The following DST variants were observed in gnomAD, a reference collection of about 807,000 sequenced individuals.
The protein encoded by DST is dystonin, also known as bullous pemphigoid antigen.
In DST, 253 loss-of-function variants were observed where a neutral mutation model predicts 875.2. The observed-to-expected ratio is 0.29, with a 90% CI of 0.26 to 0.32. DST has a LOEUF of 0.32. DST is among the 10% of genes least tolerant of loss of function. The probability of loss-of-function intolerance (pLI) is 1.00; values close to 1 mark genes in which losing one functional copy is unlikely to be tolerated. For missense variants in DST, 8,287 were observed against 9,111.6 expected, an observed-to-expected ratio of 0.91 and a Z score of 3.68; for synonymous variants, 3,124 against 3,197.1, an observed-to-expected ratio of 0.98 and a Z score of 0.77.
At chr6:56,759,226 G>A (rs1006472444) in intron 4 of DST, among the ~76,000 whole-genome samples, 3 of 152,138 alleles carry the variant, frequency 2.0e-5, no homozygotes, top group Non-Finnish European at 2.9e-5. Flanking sequence ...CGAAGTGGGC[G>A]GATCACTTGA....
chr6:56,832,507 T>G (rs578166722), intron 4 of DST, among the ~76,000 whole-genome samples: 5 of 152,212 alleles, frequency 3.3e-5, no homozygotes, highest in South Asian at 4.1e-4. Flanking sequence ...CATGTGGAAC[T>G]GTAGGAACTG....
chr6:56,616,499 A>C lies in DST; in HGVS notation c.4930-2015T>G, dbSNP rs751005673. ...GAGATTGGAAATGTTCCTCTCCCCA[A>C]ATGGAAACAGAAAGCATTGGGACTC... is the stretch of plus-strand genomic sequence containing the variant. On this transcript the variant is annotated intron_variant, in intron 36 of 103. Coordinates refer to ENST00000680361, the MANE Select transcript of DST (RefSeq NM_001374736.1). The C allele has an allele frequency of 6.2e-7, 1 of 1,614,148 alleles. No homozygotes were observed. Among genetic ancestry groups the C allele is most frequent in the Non-Finnish European group, 8.5e-7 (1 of 1,180,024 alleles).
chr6:56,876,283 C>T (rs1779594239), intron 3 of DST, among the ~76,000 whole-genome samples: 1 of 152,178 alleles, frequency 6.6e-6, no homozygotes, highest in Non-Finnish European at 1.5e-5. Context: ...ACCTCAGCCA[C>T]AAAAGTTCCT....
intron 3 of DST, among the ~76,000 whole-genome samples, chr6:56,880,440 C>G (rs1169573139): frequency 6.6e-6 from 1 of 152,220 alleles, no homozygotes; most frequent in Non-Finnish European, 1.5e-5. Flanking sequence ...GTAATCCCAG[C>G]ACTTTGGGAA....
chr6:56,605,668 G>A lies in DST; in HGVS notation c.8960C>T (p.Thr2987Ile). The A allele has an allele frequency of 1.9e-6, 3 of 1,612,874 alleles. No individual in the cohort carries two copies. The South Asian group carries it at 3.3e-5, about 18-fold the overall frequency. The change falls in exon 40 of 104, where the codon ACA (threonine) becomes ATA (isoleucine). Residue 2987 changes from threonine to isoleucine, a missense_variant. Transcript: ENST00000680361. ...KGKDEYFKNM[T>I]PKVDSSLDHI... ...ATCAAGAGATGAGTCAACTTTTGGT[G>A]TCATATTCTTAAAATATTCATCTTT...
chr6:56,869,547 G>A, intron 3 of DST, among the ~76,000 whole-genome samples: 1 of 151,774 alleles, frequency 6.6e-6, no homozygotes, highest in Non-Finnish European at 1.5e-5. Flanking sequence ...CCCTGAGATT[G>A]CAAGGACACT....
intron 68 of DST, among the ~76,000 whole-genome samples, chr6:56,526,859 A>C (rs1218084812): frequency 6.6e-6 from 1 of 152,216 alleles, no homozygotes. Flanking sequence ...CAAGCAAGTT[A>C]ACTTGTATTA....
chr6:56,775,265 G>T (rs780901555), intron 4 of DST, among the ~76,000 whole-genome samples: 2 of 152,072 alleles, frequency 1.3e-5, no homozygotes, highest in Non-Finnish European at 2.9e-5. Flanking sequence ...AACCCTAACA[G>T]TCTCCGTTAA....
At chr6:56,542,239 A>AG (rs2097139315) in intron 61 of DST, among the ~76,000 whole-genome samples, 1 of 149,498 alleles carries the variant, frequency 6.7e-6, no homozygotes, top group Non-Finnish European at 1.5e-5. Context: ...TTTTTTTTGG[A>AG]GGGGGGAGTA....
intron 51 of DST, 129 bp from the exon 52 acceptor site, chr6:56,573,193 A>C (rs2097802959): frequency 1.5e-5 from 12 of 787,840 alleles, no homozygotes; most frequent in Non-Finnish European, 2.1e-5. Flanking sequence ...TAACAGTTGA[A>C]ACTGAATGAC....
chr6:56,589,155 A>G (rs1210753564), intron 49 of DST, among the ~76,000 whole-genome samples: 1 of 152,232 alleles, frequency 6.6e-6, no homozygotes, highest in Non-Finnish European at 1.5e-5. Flanking sequence ...GAATGAATAA[A>G]TACATCTAAA....
chr6:56,564,531 G>A (rs1206769211), intron 55 of DST, among the ~76,000 whole-genome samples: 5 of 152,176 alleles, frequency 3.3e-5, no homozygotes, highest in Non-Finnish European at 5.9e-5. Context: ...GAGACAATTT[G>A]ACTTCCTCTC....
intron 36 of DST, chr6:56,619,284 T>C: frequency 1.2e-6 from 2 of 1,612,764 alleles, no homozygotes; most frequent in African/African-American, 1.3e-5. Flanking sequence ...TTGGTTTCAT[T>C]ATTCTGCCTA....
intron 90 of DST, 117 bp downstream of exon 90, chr6:56,481,933 G>A: frequency 2.6e-6 from 3 of 1,148,440 alleles, no homozygotes; most frequent in Non-Finnish European, 3.7e-6. Flanking sequence ...TGTATCAGGT[G>A]TTTAAGTATT....
chr6:56,558,941 T>C (rs1347634765), intron 58 of DST, among the ~76,000 whole-genome samples: 1 of 152,136 alleles, frequency 6.6e-6, no homozygotes, highest in African/African-American at 2.4e-5. Flanking sequence ...GTTTTCTCCA[T>C]CCTCAAGACA....
rs13206849 is a variant in DST at position 56,701,823 on chromosome 6, T to C, written c.954+65A>G. The C allele has an allele frequency of 0.18, 181,259 of 999,648 alleles. 19,494 individuals carry two copies. The highest frequency in any genetic ancestry group is 0.22 in the Non-Finnish European group (146,985 of 653,896). 61.9% of individuals were successfully genotyped at this position (999,648 alleles called of 1,614,324 possible). A position where few individuals can be genotyped will look rare whatever the true frequency, so the allele number is the denominator to read the frequency against. ...AATTTAACCTTGTCATTCCTTGACA[T>C]GTTTCTACGTGGATGTATTAGTAAC... On this transcript the variant is annotated intron_variant, in intron 8 of 103. Transcript: ENST00000680361.
intron 4 of DST, among the ~76,000 whole-genome samples, chr6:56,776,313 A>T (rs1187342402): frequency 6.6e-6 from 1 of 152,242 alleles, no homozygotes; most frequent in African/African-American, 2.4e-5. Context: ...GACTACAGAG[A>T]CATGACAATG....
At chr6:56,816,089 A>G (rs1284260767) in intron 4 of DST, among the ~76,000 whole-genome samples, 1 of 152,108 alleles carries the variant, frequency 6.6e-6, no homozygotes, top group African/African-American at 2.4e-5. Context: ...AGCATCTCTG[A>G]TCAAAGGGGC....
rs544150624 is a variant in DST at position 56,480,821 on chromosome 6, C to T, written c.21531+1229G>A. 2.6e-5 allele frequency among the ~76,000 whole-genome samples: 4 copies of T among 152,220 alleles called. No individual in the cohort carries two copies. In the South Asian group the frequency reaches 8.3e-4, roughly 32 times the overall value. ...TCCTTTCTGTAGGGTGTTAGATATGCACAATGGGCTTTAAGTGGTGTCCAG... is the reference window on the plus strand; with the variant it reads ...TCCTTTCTGTAGGGTGTTAGATATGTACAATGGGCTTTAAGTGGTGTCCAG... On this transcript the variant is annotated intron_variant, in intron 90 of 103. Transcript: ENST00000680361.
Sources: allele counts gnomAD v4.1 joint callset (sites outside exome capture counted in the v4.1 genomes callset), GRCh38; gene constraint gnomAD v4.1.1; transcripts MANE v1.5; gene names NCBI Gene and HGNC (gene_info 2026-07-23, HGNC 2026-07-21).